Variants in FMNL3 observed in about 807,000 individuals in gnomAD.
FMNL3 encodes the protein formin-like protein 3.
A neutral mutation model predicts 119.6 loss-of-function variants in FMNL3; 57 were observed. The ratio of observed to expected loss-of-function variants is 0.48; its 90% confidence interval spans 0.39 to 0.59. The LOEUF is 0.59. Among genes scored for constraint, FMNL3 ranks in the 20% least tolerant of loss-of-function variants. FMNL3 has a pLI of 0.00. For missense variants in FMNL3, 1,053 were observed against 1,323.5 expected (o/e 0.80, Z 3.17); for synonymous variants, 491 against 507.3 (o/e 0.97, Z 0.43).
At chr12:49,648,406 CCCAGCCCAGAG>C in intron 21 of FMNL3, 53 bp from the exon 22 acceptor site, 1 of 1,566,326 alleles carries the variant, frequency 6.4e-7, no homozygotes, top group Non-Finnish European at 8.7e-7. Context: ...ATGCTCACCT[CCCAGCCCAGAG>C]CTATATCAAA....
At position 49,638,762 on chromosome 12, in the gene FMNL3, T is replaced by C. The variant is rs537826186; in HGVS notation, c.*7053A>G. On this transcript the variant is annotated 3_prime_UTR_variant, in exon 26 of 26. Transcript: ENST00000335154. The stretch of plus-strand genomic sequence containing the variant: ...TGCTAGTTGTGTGACCTTGGATAGG[T>C]CACTTGACCTTTCTGACCCTGTTTC... The C allele has an allele frequency of 6.6e-6, 1 of 152,300 alleles. No homozygotes were observed. Among genetic ancestry groups the C allele is most frequent in the African/African-American group, 2.4e-5 (1 of 41,558 alleles). The allele number at this position is 152,300 out of a possible 1,614,324, so 9.4% of individuals were successfully genotyped here.
chr12:49,653,821 C>T lies in FMNL3; in HGVS notation c.1125G>A (p.Leu375=), dbSNP rs2138758866. The T allele has an allele frequency of 6.2e-7, 1 of 1,614,234 alleles. No homozygotes were observed. The highest frequency in any genetic ancestry group is 2.2e-5 in the East Asian group (1 of 44,890). The change falls in exon 12 of 26, where the codon CTG becomes CTA. Residue 375 remains leucine, a synonymous_variant. Transcript: ENST00000335154. ...AACCCCCGACATCAAACACGTTGTCCAGATATGCCTGAATCTGCACCTGCA... is the reference window on the plus strand; with the variant it reads ...AACCCCCGACATCAAACACGTTGTCTAGATATGCCTGAATCTGCACCTGCA... ...EKLQVQIQAY[L]DNVFDVGGLL... is the part of the protein sequence containing the mutation.
rs1333815690 is a variant in FMNL3 at position 49,638,616 on chromosome 12, CAAAG to C, written c.*7195_*7198del. The C allele has an allele frequency of 6.6e-6, 1 of 152,110 alleles. No homozygotes were observed. Among genetic ancestry groups the C allele is most frequent in the Non-Finnish European group, 1.5e-5 (1 of 68,018 alleles). The allele number at this position is 152,110 out of a possible 1,614,324, so 9.4% of individuals were successfully genotyped here. A position where few individuals can be genotyped will look rare whatever the true frequency, so the allele number is the denominator to read the frequency against. On this transcript the variant is annotated 3_prime_UTR_variant, in exon 26 of 26. Transcript: ENST00000335154. ...AACCTTGTGTTCCAAAAGAAAAAAA[CAAAG>C]AGCATATTTCTTTATGGAAGTGAAG...
rs985212364 is a variant in FMNL3, at chr12:49,641,589, G to C, written c.*4226C>G. The C allele has an allele frequency of 2.9e-6, 1 of 342,426 alleles. No homozygotes were observed. The highest frequency in any genetic ancestry group is 5.4e-6 in the Non-Finnish European group (1 of 184,524). 21.2% of individuals were successfully genotyped at this position (342,426 alleles called of 1,614,324 possible). A position where few individuals can be genotyped will look rare whatever the true frequency, so the allele number is the denominator to read the frequency against. Reference sequence around the variant, plus strand: ...GAATGCATGGAAGCACTGCTGAGCAGCAGGAGGGCCCAGCTGGGGCCAGAG... The same window carrying C: ...GAATGCATGGAAGCACTGCTGAGCACCAGGAGGGCCCAGCTGGGGCCAGAG... On this transcript the variant is annotated 3_prime_UTR_variant, in exon 26 of 26. Coordinates refer to ENST00000335154, the MANE Select transcript of FMNL3 (RefSeq NM_175736.5).
chr12:49,674,648 T>C (rs1944135092), intron 1 of FMNL3, among the ~76,000 whole-genome samples: 1 of 152,238 alleles, frequency 6.6e-6, no homozygotes, highest in African/African-American at 2.4e-5. Context: ...AAATGGGTGC[T>C]CCTTAAGTGT....
intron 1 of FMNL3, among the ~76,000 whole-genome samples, chr12:49,701,831 G>A (rs1944917811): frequency 6.6e-6 from 1 of 152,154 alleles, no homozygotes; most frequent in Non-Finnish European, 1.5e-5. Flanking sequence ...GGCGAGGCAG[G>A]AGAATCGCTT....
intron 11 of FMNL3, 121 bp from the exon 12 acceptor site, chr12:49,653,995 A>G (rs1429629823): frequency 1.4e-6 from 2 of 1,386,390 alleles, no homozygotes; most frequent in African/African-American, 2.9e-5. Context: ...TTCCTGCTGC[A>G]GGCCATGTCA....
chr12:49,668,437 TCC>T (rs141939646), intron 2 of FMNL3, 32 bp downstream of exon 2: 223 of 1,606,306 alleles, frequency 1.4e-4, no homozygotes, highest in Non-Finnish European at 1.8e-4. Context: ...AAGACACAAC[TCC>T]CTACCTCCCT....
At chr12:49,693,307 TAGAGA>T (rs1944656013) in intron 1 of FMNL3, among the ~76,000 whole-genome samples, 1 of 152,064 alleles carries the variant, frequency 6.6e-6, no homozygotes, top group African/African-American at 2.4e-5. Flanking sequence ...GCGGTGGCAG[TAGAGA>T]AAAGGGACAG....
chr12:49,659,329 T>G (rs534560354), intron 5 of FMNL3, among the ~76,000 whole-genome samples: 2 of 152,228 alleles, frequency 1.3e-5, no homozygotes, highest in Non-Finnish European at 2.9e-5. Flanking sequence ...ACCAGGGTCC[T>G]GTAGTATAGC....
At chr12:49,682,244 G>T (rs1244003602) in intron 1 of FMNL3, among the ~76,000 whole-genome samples, 1 of 151,932 alleles carries the variant, frequency 6.6e-6, no homozygotes, top group Non-Finnish European at 1.5e-5. Context: ...CTAAGTTTTT[G>T]TATTTTTAGT....
rs1423599317 is a variant in FMNL3 at position 49,707,391 on chromosome 12, A to AAGGCGGACGG, written c.-221_-212dup. On this transcript the variant is annotated 5_prime_UTR_variant, in exon 1 of 26. Coordinates refer to ENST00000335154, the MANE Select transcript of FMNL3 (RefSeq NM_175736.5). The stretch of plus-strand genomic sequence containing the variant: ...GCGTAGCGGACAGCCGCACCGAAGC[A>AAGGCGGACGG]AGGCGGACGGAGGCGGCCGGCTCTT... 7.8e-6 allele frequency: 3 copies of AAGGCGGACGG among 383,040 alleles called. No individual in the cohort carries two copies. The highest frequency in any genetic ancestry group is 1.0e-4 in the South Asian group (1 of 9,960). The allele number at this position is 383,040 out of a possible 1,614,324, so 23.7% of individuals were successfully genotyped here. A position where few individuals can be genotyped will look rare whatever the true frequency, so the allele number is the denominator to read the frequency against.
chr12:49,681,423 T>C (rs1352259809), intron 1 of FMNL3, among the ~76,000 whole-genome samples: 1 of 152,076 alleles, frequency 6.6e-6, no homozygotes, highest in Non-Finnish European at 1.5e-5. Flanking sequence ...TCTCCTGTCC[T>C]CATGATCCAC....
chr12:49,706,230 A>G (rs1945044180), intron 1 of FMNL3, among the ~76,000 whole-genome samples: 1 of 152,112 alleles, frequency 6.6e-6, no homozygotes, highest in South Asian at 2.1e-4. Flanking sequence ...CAATTCCCAC[A>G]CCAAAGAAGA....
chr12:49,658,448 A>G lies in FMNL3; in HGVS notation c.599T>C (p.Val200Ala). The G allele has an allele frequency of 3.7e-6, 6 of 1,603,250 alleles. No individual in the cohort carries two copies. The highest frequency in any genetic ancestry group is 5.1e-6 in the Non-Finnish European group (6 of 1,173,570). The change falls in exon 6 of 26, where the codon GTG becomes GCG. Residue 200 changes from valine to alanine, a missense_variant. Physicochemically the swap from Val to Ala is moderately conservative, Grantham distance 64 (BLOSUM62 0). Around this residue, in one of 4 missense-constraint regions of FMNL3, gnomAD observed 264 missense variants for 265.5 expected, o/e 0.99. Coordinates refer to ENST00000335154, the MANE Select transcript of FMNL3 (RefSeq NM_175736.5). ...AGAGCAAAAGCACACATACCGGAGC[A>G]CAGACTGGCGCGCAGAGCGAGCGAG... ...NSLARSARQSVLRYSTLPGRR... is the reference protein window; with the variant it reads ...NSLARSARQSALRYSTLPGRR...
At chr12:49,657,263 C>T (rs1262194829) in intron 6 of FMNL3, 73 bp from the exon 7 acceptor site, 9 of 1,197,134 alleles carry the variant, frequency 7.5e-6, no homozygotes, top group Non-Finnish European at 9.9e-6. Context: ...CTCACCATCA[C>T]CCGGACAGCA....
chr12:49,661,722 C>G (rs990606611), intron 5 of FMNL3: 3 of 467,774 alleles, frequency 6.4e-6, no homozygotes, highest in Non-Finnish European at 1.2e-5. Flanking sequence ...CCCTTTCCAT[C>G]TCTCTGTCCT....
In FMNL3 at chr12:49,642,871, G is replaced by A. The variant is rs1347192907; in HGVS notation, c.*2944C>T. 14 of 1,541,884 alleles carry A rather than the reference G, an allele frequency of 9.1e-6. No homozygotes were observed. Among genetic ancestry groups the A allele is most frequent in the Non-Finnish European group, 1.2e-5 (14 of 1,131,326 alleles). On this transcript the variant is annotated 3_prime_UTR_variant, in exon 26 of 26. Transcript: ENST00000335154. The surrounding 1 kb of genome is among the most constrained non-coding windows in gnomAD (Gnocchi z 5.8). ...GGCAAAGCCAGATTTTAGGAAGTAG[G>A]ATCCTTCCTGGGGCTAAGTCTGGTG...
chr12:49,688,137 G>C (rs186049822), intron 1 of FMNL3, among the ~76,000 whole-genome samples: 1 of 152,280 alleles, frequency 6.6e-6, no homozygotes, highest in Admixed American at 6.5e-5. Context: ...CAAACACTGG[G>C]GCCAGCCTAG....
Sources: allele counts gnomAD v4.1 joint callset (sites outside exome capture counted in the v4.1 genomes callset), GRCh38; gene constraint gnomAD v4.1.1; regional missense constraint gnomAD v4.1.1; non-coding constraint Gnocchi (gnomAD v3.1); transcripts MANE v1.5; gene names NCBI Gene and HGNC (gene_info 2026-07-23, HGNC 2026-07-21).